The following SND1 variants were observed in gnomAD, a reference collection of about 807,000 sequenced individuals.
SND1 encodes the protein staphylococcal nuclease and tudor domain containing 1.
A neutral mutation model predicts 121.7 loss-of-function variants in SND1; 38 were observed. The observed-to-expected ratio is 0.31, with a 90% CI of 0.24 to 0.41. The LOEUF (loss-of-function observed/expected upper bound fraction) is 0.41. Ranked by LOEUF, SND1 falls within the 10% of genes least tolerant of loss-of-function variation. The pLI is 1.00. For synonymous variants in SND1, 401 were observed against 447.4 expected (o/e 0.90, Z 1.31); for missense variants, 868 against 1,184.6 (o/e 0.73, Z 3.92).
At position 127,942,143 on chromosome 7, in the gene SND1, C is replaced by T. The variant is rs142736360; in HGVS notation, c.1669+12814C>T. Among the ~76,000 whole-genome samples the T allele has an allele frequency of 2.5e-3, 378 of 152,122 alleles. 16 individuals are homozygous for T. In the East Asian group the frequency reaches 0.054, roughly 22 times the overall value. ...TTACTTGTTCTTGCTAGTATTCTTG[C>T]TCACATCCCTCTTTTTTATAGTTGA... On this transcript the variant is annotated intron_variant, in intron 15 of 23. Coordinates refer to ENST00000354725, the MANE Select transcript of SND1 (RefSeq NM_014390.4).
chr7:128,051,302 A>T (rs1228003140), intron 16 of SND1, among the ~76,000 whole-genome samples: 6 of 152,050 alleles, frequency 3.9e-5, no homozygotes, highest in Non-Finnish European at 7.3e-5. Flanking sequence ...TAGAACAGAA[A>T]AATCAAAGTT....
At position 127,701,146 on chromosome 7, in the gene SND1, T is replaced by C; in HGVS notation, c.429-17T>C. On this transcript the variant is annotated splice_polypyrimidine_tract_variant and intron_variant, in intron 4 of 23. Transcript: ENST00000354725. The stretch of plus-strand genomic sequence containing the variant: ...TGTGAACTCACTAACCACTCTTGTT[T>C]ATTTTTTATGTCCCAGTCCTGAGCA... The C allele has an allele frequency of 6.2e-7, 1 of 1,612,782 alleles. No homozygotes were observed. Among genetic ancestry groups the C allele is most frequent in the Non-Finnish European group, 8.5e-7 (1 of 1,179,476 alleles).
At chr7:128,065,837 A>G (rs747819054) in intron 16 of SND1, among the ~76,000 whole-genome samples, 7 of 152,124 alleles carry the variant, frequency 4.6e-5, no homozygotes, top group Non-Finnish European at 8.8e-5. Flanking sequence ...CATGAGGAGG[A>G]GCTGTGCCAT....
chr7:127,814,632 C>A (rs1798396310), intron 11 of SND1, among the ~76,000 whole-genome samples: 1 of 151,786 alleles, frequency 6.6e-6, no homozygotes, highest in African/African-American at 2.4e-5. Flanking sequence ...ATGAGAAAAA[C>A]GTTTTCTTGT....
At chr7:127,741,198 T>C (rs531298852) in intron 10 of SND1, among the ~76,000 whole-genome samples, 1 of 152,318 alleles carries the variant, frequency 6.6e-6, no homozygotes, top group South Asian at 2.1e-4. Context: ...TGGGAAACTT[T>C]TATTCTCCCG....
chr7:127,709,489 C>T, intron 9 of SND1, among the ~76,000 whole-genome samples: 1 of 152,088 alleles, frequency 6.6e-6, no homozygotes, highest in East Asian at 1.9e-4. Context: ...GAGTTTTGGG[C>T]CTTGGCTGGT....
chr7:127,989,463 A>G (rs375152450), intron 15 of SND1, among the ~76,000 whole-genome samples: 19 of 152,292 alleles, frequency 1.2e-4, no homozygotes, highest in African/African-American at 4.3e-4. Context: ...CTGGCCAGAA[A>G]CATGAGCAGC....
rs199626178 is a variant in SND1, at chr7:127,807,494, A to G, written c.1163A>G (p.Lys388Arg). The G allele has an allele frequency of 7.2e-4, 1,162 of 1,613,738 alleles. 10 individuals carry two copies. Among genetic ancestry groups the G allele is most frequent in the Non-Finnish European group, 1.6e-4 (193 of 1,179,650 alleles). ...LEGENTQDKN[K>R]KLRPLYDIPY... Reference sequence around the variant, plus strand: ...TTATTTTACTTTTAGGATAAGAACAAGAAACTGCGTCCCCTGTATGACATT... The same window carrying G: ...TTATTTTACTTTTAGGATAAGAACAGGAAACTGCGTCCCCTGTATGACATT... Residue 388 changes from lysine (K) to arginine (R), a missense_variant, in exon 11 of 24, where the codon AAG becomes AGG. Physicochemically the swap from Lys to Arg is conservative, Grantham distance 26 (BLOSUM62 2). Transcript: ENST00000354725.
intron 14 of SND1, among the ~76,000 whole-genome samples, chr7:127,912,081 T>TG (rs1223565349): frequency 6.6e-6 from 1 of 152,164 alleles, no homozygotes; most frequent in African/African-American, 2.4e-5. Flanking sequence ...CCCAAGTAAC[T>TG]GGGACTTACA....
At chr7:127,812,972 T>G (rs1158889072) in intron 11 of SND1, among the ~76,000 whole-genome samples, 1 of 152,230 alleles carries the variant, frequency 6.6e-6, no homozygotes, top group East Asian at 1.9e-4. Context: ...ATTCATGCTA[T>G]GGAAAAGTCC....
intron 18 of SND1, among the ~76,000 whole-genome samples, chr7:128,082,138 G>A (rs925898032): frequency 5.3e-5 from 8 of 152,192 alleles, no homozygotes; most frequent in African/African-American, 1.9e-4. Flanking sequence ...AGGCCAAAGG[G>A]CAGGAGAGAG....
chr7:127,913,243 A>G (rs1425616400), intron 14 of SND1, among the ~76,000 whole-genome samples: 1 of 152,164 alleles, frequency 6.6e-6, no homozygotes, highest in Non-Finnish European at 1.5e-5. Flanking sequence ...ACTGTCGTGG[A>G]TTCTATTATC....
At chr7:127,703,636 C>T (rs969007437) in intron 7 of SND1, among the ~76,000 whole-genome samples, 4 of 152,046 alleles carry the variant, frequency 2.6e-5, no homozygotes, top group Admixed American at 1.3e-4. Flanking sequence ...TGCTTGAACC[C>T]GGGAGGCGGA....
At chr7:127,770,504 GC>G (rs2116496412) in intron 10 of SND1, among the ~76,000 whole-genome samples, 1 of 152,286 alleles carries the variant, frequency 6.6e-6, no homozygotes, top group African/African-American at 2.4e-5. Context: ...CAAAGTCAAA[GC>G]CCTATGAGGG....
intron 1 of SND1, among the ~76,000 whole-genome samples, chr7:127,676,656 A>T (rs1795622140): frequency 6.6e-6 from 1 of 152,222 alleles, no homozygotes; most frequent in Non-Finnish European, 1.5e-5. Flanking sequence ...TTAACTGATA[A>T]ATCAAGGGAA....
chr7:127,949,898 T>C (rs1801422054), intron 15 of SND1, among the ~76,000 whole-genome samples: 1 of 152,190 alleles, frequency 6.6e-6, no homozygotes, highest in Admixed American at 6.5e-5. Context: ...TTATGCTGAA[T>C]AGAAGATAAA....
intron 12 of SND1, among the ~76,000 whole-genome samples, chr7:127,859,495 A>G (rs1429028710): frequency 1.3e-5 from 2 of 152,154 alleles, no homozygotes; most frequent in East Asian, 1.9e-4. Context: ...CCTTCCCAGA[A>G]TTCTCAGGGT....
rs1562894376 is a variant in SND1 at position 128,085,704 on chromosome 7, A to G, written c.2235-7A>G. On this transcript the variant is annotated splice_polypyrimidine_tract_variant and splice_region_variant and intron_variant, in intron 19 of 23. Coordinates refer to ENST00000354725, the MANE Select transcript of SND1 (RefSeq NM_014390.4). This position sits in a 1 kb window ranked among gnomAD's most constrained non-coding sequence, Gnocchi z 4.4. The stretch of plus-strand genomic sequence containing the variant: ...TCTCTTGAGCTCTGCCCATGATGCC[A>G]TTGCAGGTACCGTGCCCGAGTAGAG... 24 of 1,613,972 alleles carry G rather than the reference A, an allele frequency of 1.5e-5. No homozygotes were observed. Among genetic ancestry groups the G allele is most frequent in the Non-Finnish European group, 1.9e-5 (23 of 1,179,906 alleles).
intron 9 of SND1, among the ~76,000 whole-genome samples, chr7:127,719,086 T>C (rs1243618654): frequency 6.6e-6 from 1 of 152,184 alleles, no homozygotes; most frequent in Non-Finnish European, 1.5e-5. Flanking sequence ...TTCTTTTCTT[T>C]AGCTTGAAAT....
Sources: allele counts gnomAD v4.1 joint callset (sites outside exome capture counted in the v4.1 genomes callset), GRCh38; gene constraint gnomAD v4.1.1; non-coding constraint Gnocchi (gnomAD v3.1); transcripts MANE v1.5; gene names NCBI Gene and HGNC (gene_info 2026-07-23, HGNC 2026-07-21).